Variants in ATP8B4 observed in about 807,000 individuals in gnomAD.
ATP8B4 encodes the protein probable phospholipid-transporting ATPase IM.
Under a neutral mutation model 145.6 loss-of-function variants are expected in ATP8B4, and 133 were observed. That is an observed-to-expected ratio of 0.91 (90% CI 0.79 to 1.05). The LOEUF is 1.05. Ranked by LOEUF, ATP8B4 falls within the 50% of genes least tolerant of loss-of-function variation. The pLI is 0.00. For missense variants in ATP8B4, 1,458 were observed against 1,425.2 expected, an observed-to-expected ratio of 1.02 and a Z score of -0.37; for synonymous variants, 507 against 492.9, an observed-to-expected ratio of 1.03 and a Z score of -0.38.
At chr15:50,048,109 G>C (rs2051866046) in intron 3 of ATP8B4, among the ~76,000 whole-genome samples, 1 of 151,974 alleles carries the variant, frequency 6.6e-6, no homozygotes, top group South Asian at 2.1e-4. Context: ...ACTGAGGTTT[G>C]GTGTATGAAT....
chr15:50,080,776 G>C (rs760981437), intron 2 of ATP8B4, among the ~76,000 whole-genome samples: 12 of 151,992 alleles, frequency 7.9e-5, no homozygotes, highest in Non-Finnish European at 1.6e-4. Flanking sequence ...TTGTTCCCCT[G>C]TTAGGAAGAT....
At chr15:49,958,906 T>C (rs1227438794) in intron 14 of ATP8B4, among the ~76,000 whole-genome samples, 1 of 151,954 alleles carries the variant, frequency 6.6e-6, no homozygotes, top group Non-Finnish European at 1.5e-5. Flanking sequence ...AAGGCATATA[T>C]TATTTTGATT....
intron 14 of ATP8B4, among the ~76,000 whole-genome samples, chr15:49,952,997 C>T (rs1161990940): frequency 6.6e-6 from 1 of 151,970 alleles, no homozygotes; most frequent in Non-Finnish European, 1.5e-5. Flanking sequence ...GCTGGGGGTT[C>T]ACTTCAGGCC....
chr15:49,969,194 C>A (rs2044843828), intron 13 of ATP8B4, among the ~76,000 whole-genome samples: 1 of 152,052 alleles, frequency 6.6e-6, no homozygotes, highest in South Asian at 2.1e-4. Context: ...AATTGACATC[C>A]TAACATCACA....
chr15:50,159,554 T>G (rs578037169), intron 1 of ATP8B4, among the ~76,000 whole-genome samples: 1 of 152,358 alleles, frequency 6.6e-6, no homozygotes, highest in South Asian at 2.1e-4. Flanking sequence ...AAAGTGGGTA[T>G]CCTTGTCTTG....
chr15:50,048,909 A>C (rs2051948196), intron 3 of ATP8B4, among the ~76,000 whole-genome samples: 1 of 152,180 alleles, frequency 6.6e-6, no homozygotes, highest in African/African-American at 2.4e-5. Flanking sequence ...TCACCAGCCC[A>C]CACATGCACA....
intron 3 of ATP8B4, among the ~76,000 whole-genome samples, chr15:50,057,083 C>T (rs2052665698): frequency 6.6e-6 from 1 of 152,084 alleles, no homozygotes; most frequent in African/African-American, 2.4e-5. Context: ...AAACTGTGGA[C>T]TAAACACTTA....
At chr15:50,079,822 T>A (rs946666547) in intron 2 of ATP8B4, among the ~76,000 whole-genome samples, 1 of 152,206 alleles carries the variant, frequency 6.6e-6, no homozygotes, top group Admixed American at 6.5e-5. Context: ...CTGTAATAAA[T>A]ACTATGTGAC....
chr15:49,877,253 T>C (rs1459251209), intron 24 of ATP8B4, among the ~76,000 whole-genome samples: 1 of 152,156 alleles, frequency 6.6e-6, no homozygotes, highest in African/African-American at 2.4e-5. Flanking sequence ...CAGATTGTGA[T>C]TCAATAGGGC....
chr15:50,090,429 G>C (rs28699536), intron 2 of ATP8B4, among the ~76,000 whole-genome samples: 1 of 152,052 alleles, frequency 6.6e-6, no homozygotes, highest in Non-Finnish European at 1.5e-5. Context: ...CTTGGGAGGT[G>C]ATTAGGTCAT....
chr15:50,128,431 C>T (rs2057321243), intron 1 of ATP8B4, among the ~76,000 whole-genome samples: 1 of 152,224 alleles, frequency 6.6e-6, no homozygotes, highest in Non-Finnish European at 1.5e-5. Flanking sequence ...GGCTATGTTC[C>T]TGCCTCCTTG....
intron 20 of ATP8B4, among the ~76,000 whole-genome samples, chr15:49,911,592 G>A (rs2039235878): frequency 6.6e-6 from 1 of 151,832 alleles, no homozygotes; most frequent in Non-Finnish European, 1.5e-5. Flanking sequence ...TAATAATGAG[G>A]GACTTCAACA....
Position 50,108,452 on chromosome 15 carries a change from C to T in ATP8B4, c.-42-1444G>A, listed in dbSNP as rs112431301. On this transcript the variant is annotated intron_variant, in intron 1 of 27. Transcript: ENST00000284509. ...CTAACATGACTCCTAGGACCTTCTG[C>T]GACTTGATCCCTGCTCATCTTTCCA... Among the ~76,000 whole-genome samples, 1,127 of 152,268 alleles carry T rather than the reference C, an allele frequency of 7.4e-3. 22 individuals are homozygous for T. The highest frequency in any genetic ancestry group is 0.026 in the African/African-American group (1,073 of 41,556).
chr15:49,903,766 T>C (rs928020416), intron 20 of ATP8B4, among the ~76,000 whole-genome samples: 15 of 152,058 alleles, frequency 9.9e-5, no homozygotes, highest in Admixed American at 8.5e-4. Context: ...TGGTGGCACA[T>C]GCCTGTAATC....
intron 12 of ATP8B4, among the ~76,000 whole-genome samples, chr15:49,976,624 A>G (rs1010409922): frequency 6.6e-6 from 1 of 152,194 alleles, no homozygotes; most frequent in African/African-American, 2.4e-5. Context: ...GCTCCCTGTA[A>G]TCTTAAACCA....
intron 9 of ATP8B4, among the ~76,000 whole-genome samples, chr15:49,996,476 C>T (rs575756842): frequency 2.6e-5 from 4 of 152,126 alleles, no homozygotes; most frequent in South Asian, 2.1e-4. Context: ...ATGAAATGAA[C>T]GATAAACTGA....
At chr15:50,005,560 AC>A (rs2048236946) in intron 7 of ATP8B4, among the ~76,000 whole-genome samples, 1 of 152,038 alleles carries the variant, frequency 6.6e-6, no homozygotes, top group Non-Finnish European at 1.5e-5. Flanking sequence ...ACTCTACCAC[AC>A]CCACCAGAAG....
At chr15:49,985,741 G>A (rs1228931643) in intron 10 of ATP8B4, among the ~76,000 whole-genome samples, 3 of 152,124 alleles carry the variant, frequency 2.0e-5, no homozygotes, top group African/African-American at 7.2e-5. Context: ...TAGAGAGCAG[G>A]CTGGGTGCTC....
intron 1 of ATP8B4, among the ~76,000 whole-genome samples, chr15:50,146,588 G>A (rs1404764133): frequency 1.3e-5 from 2 of 152,152 alleles, no homozygotes; most frequent in African/African-American, 4.8e-5. Flanking sequence ...ACTACTTTGC[G>A]TGTGTTTTAG....
Sources: allele counts gnomAD v4.1 joint callset (sites outside exome capture counted in the v4.1 genomes callset), GRCh38; gene constraint gnomAD v4.1.1; transcripts MANE v1.5; gene names NCBI Gene and HGNC (gene_info 2026-07-23, HGNC 2026-07-21).